The following TSEN15 variants were observed in gnomAD, a reference collection of about 807,000 sequenced individuals.
TSEN15 encodes tRNA-splicing endonuclease subunit Sen15.
Under a neutral mutation model 20.5 loss-of-function variants are expected in TSEN15, and 10 were observed. The ratio of observed to expected loss-of-function variants is 0.49; its 90% CI spans 0.30 to 0.83. The LOEUF (loss-of-function observed/expected upper bound fraction) is 0.83, where lower values mean the gene tolerates loss of function less well. Ranked by LOEUF, TSEN15 falls within the 40% of genes least tolerant of loss-of-function variation. The pLI is 0.06. For missense variants in TSEN15, 180 were observed against 218.6 expected, an observed-to-expected ratio of 0.82 and a Z score of 1.11; for synonymous variants, 72 against 80.1, an observed-to-expected ratio of 0.90 and a Z score of 0.54.
intron 3 of TSEN15, among the ~76,000 whole-genome samples, chr1:184,090,248 GA>G (rs1306919624): frequency 6.6e-6 from 1 of 152,174 alleles, no homozygotes; most frequent in Non-Finnish European, 1.5e-5. Flanking sequence ...GAATTTATAT[GA>G]AACTTGAGAA....
chr1:184,057,950 A>C (rs1222228661), intron 3 of TSEN15, among the ~76,000 whole-genome samples: 1 of 152,086 alleles, frequency 6.6e-6, no homozygotes, highest in Non-Finnish European at 1.5e-5. Flanking sequence ...AGAACTCATT[A>C]CTTCTGTCTT....
intron 3 of TSEN15, among the ~76,000 whole-genome samples, chr1:184,059,488 T>C (rs769414367): frequency 2.0e-5 from 3 of 152,240 alleles, no homozygotes; most frequent in Non-Finnish European, 4.4e-5. Context: ...TTACTAATGG[T>C]ATTCTAATGA....
chr1:184,096,992 C>T (rs1462081116), exon 4 of TSEN15: 1 of 152,212 alleles, frequency 6.6e-6, no homozygotes, highest in African/African-American at 2.4e-5. Flanking sequence ...AAGCCCTCCA[C>T]ATGGACCTGT....
chr1:184,088,585 A>AT (rs199533895), intron 3 of TSEN15, among the ~76,000 whole-genome samples: 3,931 of 121,164 alleles, frequency 0.032, 155 homozygotes, highest in African/African-American at 0.098. Flanking sequence ...TGTTTTTTGT[A>AT]TTTTTTTTTT....
intron 4 of TSEN15, 35 bp downstream of exon 4, chr1:184,072,333 A>C: frequency 6.4e-7 from 1 of 1,571,834 alleles, no homozygotes; most frequent in Non-Finnish European, 8.6e-7. Context: ...AAGAAGTACA[A>C]AAAGAGGAAA....
At chr1:184,091,658 A>G (rs566562230) in intron 3 of TSEN15, among the ~76,000 whole-genome samples, 1 of 152,190 alleles carries the variant, frequency 6.6e-6, no homozygotes, top group African/African-American at 2.4e-5. Context: ...GGACTTCCCT[A>G]CTGTCTCTTT....
intron 3 of TSEN15, chr1:184,058,135 C>A: frequency 2.4e-6 from 1 of 422,758 alleles, no homozygotes; most frequent in Non-Finnish European, 4.7e-6. Flanking sequence ...AATTTGTTTC[C>A]ATTGTTAATT....
chr1:184,074,069 C>A lies in TSEN15; in HGVS notation c.*1222C>A, dbSNP rs889623153. ...GTGGGTGTAATCATGGCTGAAATAA[C>A]AGACCAAGCATATGATAAAAAGATA... On this transcript the variant is annotated 3_prime_UTR_variant, in exon 5 of 5. Transcript: ENST00000645668. The A allele has an allele frequency of 6.6e-5, 10 of 151,966 alleles. No individual in the cohort carries two copies. The highest frequency in any genetic ancestry group is 1.9e-4 in the African/African-American group (8 of 41,378). The allele number at this position is 151,966 out of a possible 1,614,324, so 9.4% of individuals were successfully genotyped here.
chr1:184,093,871 CTA>C (rs1651401126), intron 3 of TSEN15: 1 of 152,210 alleles, frequency 6.6e-6, no homozygotes. Flanking sequence ...CAAATTGAAA[CTA>C]TTTATAGGCT....
intron 3 of TSEN15, among the ~76,000 whole-genome samples, chr1:184,068,169 G>C (rs1203532062): frequency 1.3e-5 from 2 of 151,334 alleles, no homozygotes; most frequent in African/African-American, 2.4e-5. Flanking sequence ...TAATTCTGGA[G>C]TAGAGGGTTA....
chr1:184,091,159 T>C (rs1446123867), intron 3 of TSEN15, among the ~76,000 whole-genome samples: 1 of 152,098 alleles, frequency 6.6e-6, no homozygotes, highest in East Asian at 1.9e-4. Flanking sequence ...GAATCCTTCC[T>C]ACCCTCCAGT....
chr1:184,078,215 A>G (rs1651101086), downstream of TSEN15, among the ~76,000 whole-genome samples: 1 of 152,182 alleles, frequency 6.6e-6, no homozygotes, highest in African/African-American at 2.4e-5. Context: ...AAAGATTATT[A>G]CTTGCTGAAG....
intron 3 of TSEN15, among the ~76,000 whole-genome samples, chr1:184,066,018 T>G (rs1005197483): frequency 3.3e-5 from 5 of 152,190 alleles, no homozygotes; most frequent in African/African-American, 2.4e-5. Flanking sequence ...CTGATATAAT[T>G]TTTTTCCTGG....
chr1:184,072,482 C>A, intron 4 of TSEN15, 184 bp downstream of exon 4: 1 of 604,194 alleles, frequency 1.7e-6, no homozygotes, highest in Non-Finnish European at 2.7e-6. Context: ...TAGCATGTTC[C>A]TAGTTATTTT....
intron 3 of TSEN15, among the ~76,000 whole-genome samples, chr1:184,056,456 GT>G (rs542764115): frequency 6.2e-4 from 94 of 151,916 alleles, no homozygotes; most frequent in African/African-American, 2.1e-3. Flanking sequence ...TGACCTAATA[GT>G]TTTTTTATTG....
intron 1 of TSEN15, 85 bp from the exon 2 acceptor site, chr1:184,054,269 A>G (rs1650159646): frequency 2.4e-6 from 2 of 821,880 alleles, no homozygotes; most frequent in Non-Finnish European, 3.9e-6. Context: ...TATAGATTAT[A>G]TATGCTTGAT....
chr1:184,086,131 AT>A (rs1651257321), intron 3 of TSEN15, among the ~76,000 whole-genome samples: 1 of 152,196 alleles, frequency 6.6e-6, no homozygotes, highest in South Asian at 2.1e-4. Context: ...TCACTTTTAT[AT>A]TCAGAAAAAA....
downstream of TSEN15, among the ~76,000 whole-genome samples, chr1:184,077,634 A>T (rs1422420456): frequency 6.6e-6 from 1 of 152,158 alleles, no homozygotes; most frequent in Non-Finnish European, 1.5e-5. Flanking sequence ...GCCATTCTAG[A>T]TGCCATTAAG....
intron 3 of TSEN15, among the ~76,000 whole-genome samples, chr1:184,068,808 C>G (rs532699186): frequency 6.6e-6 from 1 of 152,230 alleles, no homozygotes; most frequent in South Asian, 2.1e-4. Context: ...TGAGGCAAAT[C>G]AAGGAATTAT....
Sources: allele counts gnomAD v4.1 joint callset (sites outside exome capture counted in the v4.1 genomes callset), GRCh38; gene constraint gnomAD v4.1.1; transcripts MANE v1.5; gene names NCBI Gene and HGNC (gene_info 2026-07-23, HGNC 2026-07-21).